Variants in PTK2B observed in about 807,000 individuals in gnomAD.
PTK2B encodes protein-tyrosine kinase 2-beta.
PTK2B carries 71 observed loss-of-function variants against 142.9 expected under a neutral mutation model. That is an observed-to-expected ratio of 0.50 (90% CI 0.41 to 0.61). The LOEUF is 0.61. Ranked by LOEUF, PTK2B falls within the 20% of genes least tolerant of loss-of-function variation. The pLI is 0.00. For missense variants in PTK2B, 1,105 were observed against 1,320.4 expected (o/e 0.84, Z 2.53); for synonymous variants, 519 against 503.4 (o/e 1.03, Z -0.42).
In PTK2B at chr8:27,336,117, T is replaced by C. The variant is rs190594831; in HGVS notation, c.-38+10436T>C. Among the ~76,000 whole-genome samples the C allele has an allele frequency of 3.2e-4, 48 of 152,266 alleles. No individual in the cohort carries two copies. In the East Asian group the frequency reaches 6.6e-3, roughly 21 times the overall value. On this transcript the variant is annotated intron_variant, in intron 1 of 30. Coordinates refer to ENST00000346049, the MANE Select transcript of PTK2B (RefSeq NM_173176.3). The stretch of plus-strand genomic sequence containing the variant: ...CAATGTCAAAGTCGTAAGTCCAGCC[T>C]GGGGCATGGCAGGTTTATGTATGTG...
upstream of PTK2B, among the ~76,000 whole-genome samples, chr8:27,321,745 T>C (rs1176363860): frequency 6.6e-6 from 1 of 152,178 alleles, no homozygotes; most frequent in Non-Finnish European, 1.5e-5. Flanking sequence ...GACTGGGAAA[T>C]GTAGCCTTCA....
At position 27,350,986 on chromosome 8, in the gene PTK2B, AAAAAATATATATATATATATAT is replaced by A. The variant is rs1490893058; in HGVS notation, c.-38+25307_-38+25328del. Among the ~76,000 whole-genome samples, 6 of 16,132 alleles carry A rather than the reference AAAAAATATATATATATATATAT, an allele frequency of 3.7e-4. 1 individual carries two copies. Among genetic ancestry groups the A allele is most frequent in the African/African-American group, 1.6e-3 (6 of 3,768 alleles). 10.6% of individuals were successfully genotyped at this position (16,132 alleles called of 152,430 possible). A position where few individuals can be genotyped will look rare whatever the true frequency, so the allele number is the denominator to read the frequency against. On this transcript the variant is annotated intron_variant, in intron 1 of 30. Coordinates refer to ENST00000346049, the MANE Select transcript of PTK2B (RefSeq NM_173176.3). ...GAAAGTCTCCGTCTCAAAAAAAAAA[AAAAAATATATATATATATATAT>A]ATATATATATATATATATATATATA...
intron 21 of PTK2B, among the ~76,000 whole-genome samples, 173 bp downstream of exon 21, chr8:27,440,614 G>T (rs574487992): frequency 6.6e-6 from 1 of 152,242 alleles, no homozygotes; most frequent in Non-Finnish European, 1.5e-5. Context: ...TAAGGCAGCC[G>T]TGGGGAAGCC....
chr8:27,384,414 T>G (rs2131179265), intron 1 of PTK2B, among the ~76,000 whole-genome samples: 1 of 152,366 alleles, frequency 6.6e-6, no homozygotes, highest in South Asian at 2.1e-4. Flanking sequence ...TCTAAACAAT[T>G]TTTGGTGGAG....
intron 1 of PTK2B, among the ~76,000 whole-genome samples, chr8:27,379,700 T>C (rs892388292): frequency 5.3e-5 from 8 of 152,188 alleles, no homozygotes; most frequent in Non-Finnish European, 1.0e-4. Flanking sequence ...TGCAAGTTAA[T>C]TTACGAGTGA....
At chr8:27,311,133 G>A (rs1252524605), upstream of PTK2B, 1 of 1,602,774 alleles carries the variant, frequency 6.2e-7, no homozygotes, top group Non-Finnish European at 8.5e-7. Flanking sequence ...TGGCCGCAGC[G>A]CAGAGTGACT....
At chr8:27,456,265 G>A (rs1812134104) in intron 30 of PTK2B, among the ~76,000 whole-genome samples, 2 of 152,196 alleles carry the variant, frequency 1.3e-5, no homozygotes, top group African/African-American at 4.8e-5. Flanking sequence ...CCTACAATGA[G>A]CAAGCCTATT....
chr8:27,420,947 A>T (rs1809710319), intron 4 of PTK2B, among the ~76,000 whole-genome samples: 1 of 152,156 alleles, frequency 6.6e-6, no homozygotes, highest in East Asian at 1.9e-4. Context: ...CACTGGCTAA[A>T]CTGCCCCATG....
intron 2 of PTK2B, among the ~76,000 whole-genome samples, chr8:27,400,122 C>T (rs1808282965): frequency 6.6e-6 from 1 of 152,134 alleles, no homozygotes; most frequent in African/African-American, 2.4e-5. Context: ...GTAATATGAT[C>T]AGATTTGTGT....
At chr8:27,385,785 C>G (rs892318410) in intron 1 of PTK2B, among the ~76,000 whole-genome samples, 3 of 148,298 alleles carry the variant, frequency 2.0e-5, no homozygotes, top group African/African-American at 7.5e-5. Context: ...CCCAGCTACT[C>G]GGGAGGCTGA....
chr8:27,410,498 G>C (rs1808992257), intron 2 of PTK2B, among the ~76,000 whole-genome samples: 1 of 152,212 alleles, frequency 6.6e-6, no homozygotes, highest in Non-Finnish European at 1.5e-5. Flanking sequence ...CCTGGTGGAG[G>C]ACAGTGGGGG....
intron 6 of PTK2B, 104 bp from the exon 7 acceptor site, chr8:27,430,260 C>T: frequency 6.3e-7 from 1 of 1,579,676 alleles, no homozygotes; most frequent in Non-Finnish European, 8.7e-7. Flanking sequence ...CCACATAGGG[C>T]CGTCTCTAGG....
At chr8:27,447,792 G>A (rs1340902012) in intron 24 of PTK2B, among the ~76,000 whole-genome samples, 1 of 152,238 alleles carries the variant, frequency 6.6e-6, no homozygotes, top group Non-Finnish European at 1.5e-5. Flanking sequence ...CTGGGAGGCA[G>A]AGGTTGCAGT....
chr8:27,364,730 C>T (rs1805916292), intron 1 of PTK2B, among the ~76,000 whole-genome samples: 2 of 152,254 alleles, frequency 1.3e-5, no homozygotes, highest in South Asian at 2.1e-4. Flanking sequence ...GCCTCACTGA[C>T]GTCCAATTGA....
chr8:27,454,221 T>C lies in PTK2B; in HGVS notation c.2663T>C (p.Val888Ala), dbSNP rs756765442. Reference sequence around the variant, plus strand: ...GTGTACCTCAATGTCATGGAGCTGGTGCGGGCCGTGCTGGAGCTCAAGAAT... The same window carrying C: ...GTGTACCTCAATGTCATGGAGCTGGCGCGGGCCGTGCTGGAGCTCAAGAAT... The part of the protein sequence containing the change: ...DLVYLNVMEL[V>A]RAVLELKNEL... The change falls in exon 29 of 31, where the codon GTG becomes GCG. Residue 888 changes from valine to alanine, a missense_variant. Transcript: ENST00000346049. 5.0e-6 allele frequency: 8 copies of C among 1,614,012 alleles called. No homozygotes were observed. Among genetic ancestry groups the C allele is most frequent in the Non-Finnish European group, 6.8e-6 (8 of 1,180,022 alleles).
rs756168261 is a variant in PTK2B, at chr8:27,432,352, T to C, written c.978T>C (p.Gly326=). 1.2e-6 allele frequency: 2 copies of C among 1,613,644 alleles called. No homozygotes were observed. The highest frequency in any genetic ancestry group is 4.5e-5 in the East Asian group (2 of 44,876). The change falls in exon 10 of 31, where the codon GGT becomes GGC. Residue 326 remains glycine, a synonymous_variant. Transcript: ENST00000346049. The part of the protein sequence containing the change: ...GQAVLQLGIE[G]APQALSIKTS... ...CAGTACTTCAGCTGGGCATTGAAGGTGCCCCCCAGGTGAGTGTCTCTGGGC... is the reference window on the plus strand; with the variant it reads ...CAGTACTTCAGCTGGGCATTGAAGGCGCCCCCCAGGTGAGTGTCTCTGGGC...
chr8:27,361,262 A>C (rs932382679), intron 1 of PTK2B, among the ~76,000 whole-genome samples: 1 of 152,102 alleles, frequency 6.6e-6, no homozygotes, highest in Non-Finnish European at 1.5e-5. Flanking sequence ...TCTGTTGCCC[A>C]GGCTGGAGTG....
At chr8:27,432,619 C>T (rs1810505751) in intron 10 of PTK2B, among the ~76,000 whole-genome samples, 1 of 152,152 alleles carries the variant, frequency 6.6e-6, no homozygotes, top group Non-Finnish European at 1.5e-5. Flanking sequence ...GTGGAATGTT[C>T]AAGGTGACCA....
intron 2 of PTK2B, among the ~76,000 whole-genome samples, chr8:27,401,293 A>C (rs1454960637): frequency 2.0e-5 from 3 of 152,202 alleles, no homozygotes; most frequent in African/African-American, 7.2e-5. Flanking sequence ...ACAGAATCTG[A>C]GGAGCCCAAG....
Sources: gnomAD v4.1 joint callset for allele counts (sites outside exome capture counted in the v4.1 genomes callset) on GRCh38, gnomAD v4.1.1 for gene constraint, MANE v1.5 for transcripts, NCBI Gene and HGNC (gene_info 2026-07-23, HGNC 2026-07-21) for gene names.